WNT5A: variants seen among roughly 807,000 people sequenced by gnomAD.
The protein encoded by WNT5A is Wnt family member 5A.
Under a neutral mutation model 42.1 loss-of-function variants are expected in WNT5A, and 9 were observed. The observed-to-expected ratio is 0.21, with a 90% confidence interval of 0.13 to 0.37. The LOEUF (loss-of-function observed/expected upper bound fraction) is 0.37, where lower values mean the gene tolerates loss of function less well. Ranked by LOEUF, WNT5A falls within the 10% of genes least tolerant of loss-of-function variation. The pLI is 1.00. For missense variants in WNT5A, 426 were observed against 534.0 expected (o/e 0.80, Z 1.99); for synonymous variants, 210 against 210.0 (o/e 1.00, Z 0.00).
chr3:55,486,883 A>C, intron 1 of WNT5A, 97 bp downstream of exon 1: 2 of 865,586 alleles, frequency 2.3e-6, no homozygotes, highest in Admixed American at 1.9e-5. Context: ...CGGTTGGGGA[A>C]ATGGAGGGAT....
chr3:55,499,695 C>G, the WNT5A span, among the ~76,000 whole-genome samples: 3 of 152,034 alleles, frequency 2.0e-5, no homozygotes, highest in East Asian at 5.8e-4. Context: ...AATTTAAGGC[C>G]AGGCATGGTG....
chr3:55,470,437 C>T lies in WNT5A; in HGVS notation c.798G>A (p.Leu266=), dbSNP rs1231991203. 7 of 1,611,878 alleles carry T rather than the reference C, an allele frequency of 4.3e-6. No homozygotes were observed. The South Asian group carries it at 6.6e-5, about 15-fold the overall frequency. Residue 266 remains leucine, a synonymous_variant, in exon 5 of 5, where the codon CTG becomes CTA. Transcript: ENST00000264634. ...LADFRKVGDA[L]KEKYDSAAAM... ...CCGCCGCGCTGTCGTACTTCTCCTT[C>T]AGGGCATCACCCACCTTGCGGAAGT... is the stretch of plus-strand genomic sequence containing the variant.
chr3:55,480,718 G>T lies in WNT5A; in HGVS notation c.140+67C>A. 4.2e-6 allele frequency: 6 copies of T among 1,430,228 alleles called. 1 individual carries two copies. The highest frequency in any genetic ancestry group is 1.4e-5 in the African/African-American group (1 of 69,342). 88.6% of individuals were successfully genotyped at this position (1,430,228 alleles called of 1,614,324 possible). On this transcript the variant is annotated intron_variant, in intron 2 of 4. Coordinates refer to ENST00000264634, the MANE Select transcript of WNT5A (RefSeq NM_003392.7). Reference sequence around the variant, plus strand: ...TCACTATCCAGCATTAAATATTGCCGCATCATACAAACAAATCTTAAAAAA... The same window carrying T: ...TCACTATCCAGCATTAAATATTGCCTCATCATACAAACAAATCTTAAAAAA...
rs1575409020 is a variant in WNT5A, at chr3:55,487,033, C to G, written c.-48G>C. 1 of 1,601,994 alleles carries G rather than the reference C, an allele frequency of 6.2e-7. No individual in the cohort carries two copies. The highest frequency in any genetic ancestry group is 2.2e-5 in the East Asian group (1 of 44,740). ...GAGGAAGTCGCCACCCGAGCGAGCG[C>G]AGCCGAGGAATCCGAGCGGAGCGAC... is the stretch of plus-strand genomic sequence containing the variant. On this transcript the variant is annotated 5_prime_UTR_variant, in exon 1 of 5. Transcript: ENST00000264634.
intron 3 of WNT5A, among the ~76,000 whole-genome samples, chr3:55,476,981 G>A (rs2106932174): frequency 6.6e-6 from 1 of 152,332 alleles, no homozygotes; most frequent in South Asian, 2.1e-4. Flanking sequence ...AAGTAATTGT[G>A]CATGGTGCCT....
At chr3:55,480,255 C>A (rs2051433480) in intron 2 of WNT5A, among the ~76,000 whole-genome samples, 1 of 152,214 alleles carries the variant, frequency 6.6e-6, no homozygotes, top group Non-Finnish European at 1.5e-5. Flanking sequence ...CAGAAAGAAA[C>A]CCCCACTTGG....
rs1399328709 is a variant in WNT5A, at chr3:55,479,659, G to A, written c.141-95C>T. 5.5e-5 allele frequency: 79 copies of A among 1,438,110 alleles called. 1 individual carries two copies. The South Asian group carries it at 5.9e-4, about 11-fold the overall frequency. 89.1% of individuals were successfully genotyped at this position (1,438,110 alleles called of 1,614,324 possible). A position where few individuals can be genotyped will look rare whatever the true frequency, so the allele number is the denominator to read the frequency against. ...AGCAATACATAGTTTTAAGCACACA[G>A]ATGCTTTTTTCTCTCCTGCTTGTCC... On this transcript the variant is annotated intron_variant, in intron 2 of 4. Coordinates refer to ENST00000264634, the MANE Select transcript of WNT5A (RefSeq NM_003392.7).
chr3:55,469,847 T>C lies in WNT5A; in HGVS notation c.*245A>G, dbSNP rs575974105. ...CTATACTATCAAAAGAAGTCTTGTA[T>C]TACCTTTTCAAAGATCCACAAAATA... On this transcript the variant is annotated 3_prime_UTR_variant, in exon 5 of 5. Coordinates refer to ENST00000264634, the MANE Select transcript of WNT5A (RefSeq NM_003392.7). The C allele has an allele frequency of 1.2e-3, 534 of 453,774 alleles. 4 individuals carry two copies. Among genetic ancestry groups the C allele is most frequent in the Admixed American group, 3.5e-3 (91 of 26,000 alleles). 28.1% of individuals were successfully genotyped at this position (453,774 alleles called of 1,614,324 possible). A position where few individuals can be genotyped will look rare whatever the true frequency, so the allele number is the denominator to read the frequency against.
intron 4 of WNT5A, among the ~76,000 whole-genome samples, chr3:55,473,543 G>A (rs1272555251): frequency 6.6e-6 from 1 of 152,220 alleles, no homozygotes; most frequent in Non-Finnish European, 1.5e-5. Flanking sequence ...GGAACCAGGA[G>A]ACTCGTGAGG....
In WNT5A at chr3:55,467,093, C is replaced by T. The variant is rs1209047553; in HGVS notation, c.*2999G>A. 1 of 152,136 alleles carries T rather than the reference C, an allele frequency of 6.6e-6. No homozygotes were observed. The highest frequency in any genetic ancestry group is 1.9e-4 in the East Asian group (1 of 5,180). 9.4% of individuals were successfully genotyped at this position (152,136 alleles called of 1,614,324 possible). A position where few individuals can be genotyped will look rare whatever the true frequency, so the allele number is the denominator to read the frequency against. Reference sequence around the variant, plus strand: ...TTCATTCTCTGCAGACCCGGGCTTTCTTTTTATAAAAACTGCTTTCAAAGG... The same window carrying T: ...TTCATTCTCTGCAGACCCGGGCTTTTTTTTTATAAAAACTGCTTTCAAAGG... On this transcript the variant is annotated 3_prime_UTR_variant, in exon 5 of 5. Transcript: ENST00000264634.
Position 55,474,372 on chromosome 3 carries a change from G to A in WNT5A, c.649C>T (p.Leu217Phe), listed in dbSNP as rs1341494143. The A allele has an allele frequency of 6.2e-7, 1 of 1,613,038 alleles. No individual in the cohort carries two copies. Among genetic ancestry groups the A allele is most frequent in the Non-Finnish European group, 8.5e-7 (1 of 1,179,824 alleles). The stretch of plus-strand genomic sequence containing the variant: ...GCCTCGTTGTTGTGCAGGTTCATGA[G>A]GATGCGAGCACTCTCGTAGGAGCCC... ...AKGSYESARI[L>F]MNLHNNEAGR... Residue 217 changes from leucine to phenylalanine, a missense_variant, in exon 4 of 5, where the codon CTC (leucine) becomes TTC (phenylalanine). Coordinates refer to ENST00000264634, the MANE Select transcript of WNT5A (RefSeq NM_003392.7).
At position 55,474,648 on chromosome 3, in the gene WNT5A, G is replaced by C; in HGVS notation, c.392-19C>G. On this transcript the variant is annotated intron_variant, in intron 3 of 4. Coordinates refer to ENST00000264634, the MANE Select transcript of WNT5A (RefSeq NM_003392.7). ...CGGCTGCCTGTGGGTGAGGACAAGGGATCACTGGCCGCCTGCCTCACGCGC... is the reference window on the plus strand; with the variant it reads ...CGGCTGCCTGTGGGTGAGGACAAGGCATCACTGGCCGCCTGCCTCACGCGC... The C allele has an allele frequency of 7.8e-7, 1 of 1,287,806 alleles. No homozygotes were observed. Among genetic ancestry groups the C allele is most frequent in the Non-Finnish European group, 9.8e-7 (1 of 1,015,290 alleles). 79.8% of individuals were successfully genotyped at this position (1,287,806 alleles called of 1,614,324 possible).
chr3:55,504,978 T>C, the WNT5A span, among the ~76,000 whole-genome samples: 1 of 152,108 alleles, frequency 6.6e-6, no homozygotes, highest in Admixed American at 6.5e-5. Context: ...ACATCTGCTT[T>C]CACCCAGTAG....
At chr3:55,485,879 G>A (rs1013481639) in intron 1 of WNT5A, among the ~76,000 whole-genome samples, 1 of 152,106 alleles carries the variant, frequency 6.6e-6, no homozygotes, top group Admixed American at 6.5e-5. Context: ...TTTTTGGGGG[G>A]AAGAGGGGTT....
intron 2 of WNT5A, among the ~76,000 whole-genome samples, 186 bp from the exon 3 acceptor site, chr3:55,479,750 G>A (rs1438916032): frequency 6.6e-6 from 1 of 152,094 alleles, no homozygotes; most frequent in Non-Finnish European, 1.5e-5. Flanking sequence ...GAAAACGGAG[G>A]TATTGTGCAG....
At chr3:55,486,188 A>G (rs1350774041) in intron 1 of WNT5A, among the ~76,000 whole-genome samples, 1 of 152,120 alleles carries the variant, frequency 6.6e-6, no homozygotes, top group East Asian at 1.9e-4. Context: ...AGTGTTTTCT[A>G]AAGGACAAGG....
At chr3:55,487,655 G>A (rs1192050632), upstream of WNT5A, 1 of 152,480 alleles carries the variant, frequency 6.6e-6, no homozygotes, top group Non-Finnish European at 1.5e-5. Flanking sequence ...GGACGTCTCT[G>A]TACACACACA....
chr3:55,500,723 C>T, the WNT5A span, among the ~76,000 whole-genome samples: 2 of 152,166 alleles, frequency 1.3e-5, no homozygotes, highest in African/African-American at 2.4e-5. Flanking sequence ...CTCAGAGCTT[C>T]GTGTACTATT....
At chr3:55,486,875 G>A in intron 1 of WNT5A, 105 bp downstream of exon 1, 3 of 847,930 alleles carry the variant, frequency 3.5e-6, no homozygotes, top group South Asian at 1.4e-5. Flanking sequence ...TCTTCAGGCG[G>A]TTGGGGAAAT....
Sources: gnomAD v4.1 joint callset for allele counts (sites outside exome capture counted in the v4.1 genomes callset) on GRCh38, gnomAD v4.1.1 for gene constraint, MANE v1.5 for transcripts, NCBI Gene and HGNC (gene_info 2026-07-23, HGNC 2026-07-21) for gene names.